MAML2: variants seen among roughly 807,000 people sequenced by gnomAD.
MAML2 encodes the protein mastermind-like protein 2.
Under a neutral mutation model 96.1 loss-of-function variants are expected in MAML2, and 22 were observed. The ratio of observed to expected loss-of-function variants is 0.23; its 90% CI spans 0.16 to 0.33. MAML2 has a LOEUF of 0.33. MAML2 is among the 10% of genes least tolerant of loss of function. MAML2 has a pLI of 1.00. For synonymous variants in MAML2, 561 were observed against 521.3 expected (o/e 1.08, Z -1.04); for missense variants, 1,367 against 1,392.4 (o/e 0.98, Z 0.29).
intron 2 of MAML2, among the ~76,000 whole-genome samples, chr11:95,998,122 A>ATCTGTCTGTCAG (rs1554993525): frequency 2.6e-4 from 31 of 117,466 alleles, no homozygotes; most frequent in African/African-American, 9.2e-4. Context: ...TTTTCTATCT[A>ATCTGTCTGTCAG]TCTGTCTGTC....
intron 2 of MAML2, among the ~76,000 whole-genome samples, chr11:95,998,174 G>GTCTGTCTATCTATCTA (rs139615820): frequency 3.4e-5 from 5 of 147,716 alleles, no homozygotes; most frequent in Non-Finnish European, 7.4e-5. Context: ...CTGTCTGTCT[G>GTCTGTCTATCTATCTA]TCTATCTATC....
intron 1 of MAML2, among the ~76,000 whole-genome samples, chr11:96,136,427 C>G: frequency 6.6e-6 from 1 of 151,814 alleles, no homozygotes; most frequent in Non-Finnish European, 1.5e-5. Context: ...TCACAAATGT[C>G]TATTTAGCAT....
intron 1 of MAML2, among the ~76,000 whole-genome samples, chr11:96,124,096 CAAAAA>C (rs11464319): frequency 1.0e-5 from 1 of 96,364 alleles, no homozygotes; most frequent in African/African-American, 4.2e-5. Context: ...AACTCTGTCT[CAAAAA>C]AAAAAAAAAA....
intron 2 of MAML2, among the ~76,000 whole-genome samples, chr11:96,042,949 T>G (rs970724495): frequency 1.1e-4 from 16 of 152,104 alleles, no homozygotes; most frequent in African/African-American, 3.9e-4. Context: ...TTTCACCATG[T>G]TGGCCAGGCT....
intron 1 of MAML2, among the ~76,000 whole-genome samples, chr11:96,336,101 A>G (rs1863916861): frequency 6.6e-6 from 1 of 152,218 alleles, no homozygotes; most frequent in African/African-American, 2.4e-5. Context: ...ACTGATGCCA[A>G]GAAAATAACA....
At position 96,242,316 on chromosome 11, in the gene MAML2, T is replaced by G. The variant is rs1862447859; in HGVS notation, c.513+99067A>C. On this transcript the variant is annotated intron_variant, in intron 1 of 4. Transcript: ENST00000524717. ...ATGAGAAACAAGACAGGAAAAAACTTCATAAAAATCACTAGGGATTTTAAA... is the reference window on the plus strand; with the variant it reads ...ATGAGAAACAAGACAGGAAAAAACTGCATAAAAATCACTAGGGATTTTAAA... 2.0e-5 allele frequency among the ~76,000 whole-genome samples: 3 copies of G among 152,224 alleles called. No individual in the cohort carries two copies. The South Asian group carries it at 6.2e-4, about 32-fold the overall frequency.
chr11:96,015,586 G>A (rs1266334322), intron 2 of MAML2, among the ~76,000 whole-genome samples: 15 of 54,694 alleles, frequency 2.7e-4, no homozygotes, highest in African/African-American at 1.0e-3. Flanking sequence ...AAAAAAAAAG[G>A]GGGGGGGGGC....
chr11:96,323,073 CATTTATGTTCTAGCATGAAA>C (rs1238772183), intron 1 of MAML2, among the ~76,000 whole-genome samples: 1 of 148,924 alleles, frequency 6.7e-6, no homozygotes, highest in Non-Finnish European at 1.5e-5. Context: ...GAAGCTGGAT[CATTTATGTTCTAGCATGAAA>C]AGAGGCTACT....
chr11:96,296,401 T>A (rs1455254448), intron 1 of MAML2, among the ~76,000 whole-genome samples: 4 of 152,050 alleles, frequency 2.6e-5, no homozygotes, highest in Non-Finnish European at 4.4e-5. Context: ...TCCCAGCACT[T>A]TGGGAGGCAG....
chr11:96,074,015 C>T (rs966399635), intron 2 of MAML2, among the ~76,000 whole-genome samples: 3 of 152,108 alleles, frequency 2.0e-5, no homozygotes, highest in Non-Finnish European at 2.9e-5. Context: ...AGGTTATGTT[C>T]GTCTCAATGC....
At chr11:96,031,361 G>T (rs199534620) in intron 2 of MAML2, among the ~76,000 whole-genome samples, 6 of 147,422 alleles carry the variant, frequency 4.1e-5, no homozygotes, top group African/African-American at 9.8e-5. Context: ...GTGTGTGTTT[G>T]TGTGTTTTCT....
chr11:96,007,266 C>T (rs374541539), intron 2 of MAML2, among the ~76,000 whole-genome samples: 1 of 149,394 alleles, frequency 6.7e-6, no homozygotes, highest in Non-Finnish European at 1.5e-5. Flanking sequence ...CCACCTCTGT[C>T]TCCCAAAGTG....
chr11:96,247,062 G>A lies in MAML2; in HGVS notation c.513+94321C>T, dbSNP rs142462689. Among the ~76,000 whole-genome samples the A allele has an allele frequency of 5.5e-4, 83 of 152,132 alleles. 1 individual carries two copies. The highest frequency in any genetic ancestry group is 2.0e-3 in the African/African-American group (82 of 41,522). Reference sequence around the variant, plus strand: ...ACATAAGGACCTTAGTGTGTTGCTGGAAACTGTCTGATTCATTCTGTTGAC... The same window carrying A: ...ACATAAGGACCTTAGTGTGTTGCTGAAAACTGTCTGATTCATTCTGTTGAC... On this transcript the variant is annotated intron_variant, in intron 1 of 4. Transcript: ENST00000524717.
intron 2 of MAML2, among the ~76,000 whole-genome samples, chr11:96,060,819 G>A (rs79180272): frequency 2.6e-4 from 39 of 152,286 alleles, no homozygotes; most frequent in African/African-American, 9.1e-4. Flanking sequence ...AGATCTAAGA[G>A]TTCTTCCTTT....
At chr11:96,326,904 A>C (rs10831507) in intron 1 of MAML2, among the ~76,000 whole-genome samples, 55,706 of 152,094 alleles carry the variant, frequency 0.37, 10,264 homozygotes, top group Non-Finnish European at 0.39. Flanking sequence ...TGGAATACTT[A>C]TGGTGAATAA....
At chr11:96,001,995 C>G (rs1480202234) in intron 2 of MAML2, among the ~76,000 whole-genome samples, 2 of 152,108 alleles carry the variant, frequency 1.3e-5, no homozygotes, top group Admixed American at 1.3e-4. Context: ...GGTGAACATC[C>G]TTTTTTTCTG....
chr11:95,986,918 A>C (rs1187652875), intron 3 of MAML2, among the ~76,000 whole-genome samples: 1 of 152,206 alleles, frequency 6.6e-6, no homozygotes, highest in East Asian at 1.9e-4. Flanking sequence ...CATTCTTTTA[A>C]TATGTCAATA....
chr11:96,169,978 A>T (rs1248131867), intron 1 of MAML2, among the ~76,000 whole-genome samples: 1 of 152,208 alleles, frequency 6.6e-6, no homozygotes, highest in Middle Eastern at 3.2e-3. Context: ...TTCTAGTATT[A>T]CCTAACATGG....
Position 96,092,277 on chromosome 11 carries a change from T to A in MAML2, c.1754A>T (p.His585Leu). The A allele has an allele frequency of 6.4e-7, 1 of 1,559,092 alleles. No individual in the cohort carries two copies. Among genetic ancestry groups the A allele is most frequent in the Non-Finnish European group, 8.7e-7 (1 of 1,151,396 alleles). Reference protein sequence around the residue: ...LPSQNKPSLLHYTQQQQQQQQ... With the variant: ...LPSQNKPSLLLYTQQQQQQQQ... Reference sequence around the variant, plus strand: ...TTGCTGCTGTTGCTGTTGGGTGTAGTGTAGGAGAGAAGGCTTGTTCTGGGA... The same window carrying A: ...TTGCTGCTGTTGCTGTTGGGTGTAGAGTAGGAGAGAAGGCTTGTTCTGGGA... Residue 585 changes from histidine to leucine, a missense_variant, in exon 2 of 5, where the codon CAC (histidine) becomes CTC (leucine). By Grantham distance (99) the His-to-Leu change is moderately conservative. Coordinates refer to ENST00000524717, the MANE Select transcript of MAML2 (RefSeq NM_032427.4). The surrounding 1 kb of genome is among the most constrained non-coding windows in gnomAD (Gnocchi z 4.1).
Sources: gnomAD v4.1 joint callset for allele counts (sites outside exome capture counted in the v4.1 genomes callset) on GRCh38, gnomAD v4.1.1 for gene constraint, Gnocchi (gnomAD v3.1) non-coding constraint, MANE v1.5 for transcripts, NCBI Gene and HGNC (gene_info 2026-07-23, HGNC 2026-07-21) for gene names.